The following AGR3 variants were observed in gnomAD, a reference collection of about 807,000 sequenced individuals.
AGR3 encodes anterior gradient protein 3.
Under a neutral mutation model 24.5 loss-of-function variants are expected in AGR3, and 37 were observed. The ratio of observed to expected loss-of-function variants is 1.51; its 90% CI spans 1.16 to 1.99. The LOEUF is 1.99. AGR3 is among the 30% of genes most tolerant of loss of function. The pLI is 0.00. For synonymous variants in AGR3, 75 were observed against 61.6 expected (o/e 1.22, Z -1.02); for missense variants, 228 against 191.1 (o/e 1.19, Z -1.14).
rs371837131 is a variant in AGR3 at position 16,868,229 on chromosome 7, C to T, written c.173+5551G>A. 4.9e-4 allele frequency among the ~76,000 whole-genome samples: 75 copies of T among 151,948 alleles called. 1 individual carries two copies. In the South Asian group the frequency reaches 0.014, roughly 27 times the overall value. On this transcript the variant is annotated intron_variant, in intron 3 of 7. Transcript: ENST00000310398. ...GGAGTGCAATGGTGCGATCTCGGCTCACCACAACCTCCGCCTCCCAGGTTC... is the reference window on the plus strand; with the variant it reads ...GGAGTGCAATGGTGCGATCTCGGCTTACCACAACCTCCGCCTCCCAGGTTC...
Position 16,873,817 on chromosome 7 carries a change from G to T in AGR3, c.136C>A (p.Gln46Lys). The T allele has an allele frequency of 6.2e-7, 1 of 1,613,080 alleles. No homozygotes were observed. The highest frequency in any genetic ancestry group is 1.1e-5 in the South Asian group (1 of 91,046). The change falls in exon 3 of 8, where the codon CAA (glutamine) becomes AAA (lysine). Residue 46 changes from glutamine (Q) to lysine (K), a missense_variant. Transcript: ENST00000310398. The part of the protein sequence containing the change: ...RGWGDDITWV[Q>K]TYEEGLFYAQ... ...TAAAAGAGACCTTCTTCATAAGTTT[G>T]TACCCAAGTGATGTCATCTCCCCAT...
In AGR3 at chr7:16,860,641, C is replaced by T. The variant is rs1781623517; in HGVS notation, c.368-58G>A. On this transcript the variant is annotated intron_variant, in intron 6 of 7. Transcript: ENST00000310398. ...AATTTAGCATGTTCTTTTCTTTACT[C>T]TTGTAAAAACTTAATTATTATTTTA... 2.6e-6 allele frequency: 3 copies of T among 1,161,160 alleles called. No homozygotes were observed. The African/African-American group carries it at 4.6e-5, about 18-fold the overall frequency. 71.9% of individuals were successfully genotyped at this position (1,161,160 alleles called of 1,614,324 possible).
rs754585078 is a variant in AGR3 at position 16,878,501 on chromosome 7, T to A, written c.109+9A>T. On this transcript the variant is annotated intron_variant, in intron 2 of 7. Transcript: ENST00000310398. ...ACTGAGTTTAGAAAATAAAATGAGA[T>A]TACAGCACCTCTTGAGAGTGTCTGA... The A allele has an allele frequency of 5.6e-6, 9 of 1,606,278 alleles. No individual in the cohort carries two copies. The highest frequency in any genetic ancestry group is 6.8e-6 in the Non-Finnish European group (8 of 1,173,104).
chr7:16,862,071 A>G lies in AGR3; in HGVS notation c.227-11T>C. The G allele has an allele frequency of 6.2e-7, 1 of 1,601,794 alleles. No homozygotes were observed. Among genetic ancestry groups the G allele is most frequent in the Admixed American group, 1.7e-5 (1 of 58,882 alleles). On this transcript the variant is annotated splice_polypyrimidine_tract_variant and intron_variant, in intron 4 of 7. Coordinates refer to ENST00000310398, the MANE Select transcript of AGR3 (RefSeq NM_176813.5). ...ATACTTTCTTTAGTGCTATAGGGGAAAACAAAATTGCCAGTTAGTTTTAAG... is the reference window on the plus strand; with the variant it reads ...ATACTTTCTTTAGTGCTATAGGGGAGAACAAAATTGCCAGTTAGTTTTAAG...
chr7:16,868,844 A>G (rs1054791023), intron 3 of AGR3, among the ~76,000 whole-genome samples: 2 of 152,180 alleles, frequency 1.3e-5, no homozygotes, highest in African/African-American at 2.4e-5. Flanking sequence ...CTTCATTTCA[A>G]TGGCTGAATA....
chr7:16,873,843 C>T lies in AGR3; in HGVS notation c.110G>A (p.Gly37Glu). ...TACCCAAGTGATGTCATCTCCCCATCCTGAAATAGAAGAGAGAAATCAATG... is the reference window on the plus strand; with the variant it reads ...TACCCAAGTGATGTCATCTCCCCATTCTGAAATAGAAGAGAGAAATCAATG... ...EKRPPQTLSR[G>E]WGDDITWVQT... Residue 37 changes from glycine to glutamate, a missense_variant and splice_region_variant, in exon 3 of 8, where the codon GGA (glycine) becomes GAA (glutamate). By Grantham distance (98) the Gly-to-Glu change is moderately conservative (BLOSUM62 -2). Transcript: ENST00000310398. The T allele has an allele frequency of 1.2e-6, 2 of 1,611,684 alleles. No homozygotes were observed.
chr7:16,873,374 G>C (rs1781921718), intron 3 of AGR3: 1 of 160,312 alleles, frequency 6.2e-6, no homozygotes, highest in Non-Finnish European at 1.4e-5. Flanking sequence ...GACTCATATA[G>C]AGTAGCTTAA....
At chr7:16,858,958 T>A (rs1186912584), downstream of AGR3, among the ~76,000 whole-genome samples, 1 of 152,064 alleles carries the variant, frequency 6.6e-6, no homozygotes, top group African/African-American at 2.4e-5. Context: ...AGAAAAGAAG[T>A]AAGTGGTTAG....
At chr7:16,867,661 C>T (rs1781785050) in intron 3 of AGR3, among the ~76,000 whole-genome samples, 4 of 152,094 alleles carry the variant, frequency 2.6e-5, no homozygotes, top group Admixed American at 2.0e-4. Flanking sequence ...CCATCCTCAC[C>T]CCCAGACTTT....
At chr7:16,862,541 C>T (rs1228567802) in intron 4 of AGR3, 69 bp downstream of exon 4, 5 of 997,724 alleles carry the variant, frequency 5.0e-6, no homozygotes, top group Middle Eastern at 3.5e-4. Context: ...CTATTATTAC[C>T]AGGTCACTTT....
At chr7:16,854,981 A>G (rs1231043845), downstream of AGR3, among the ~76,000 whole-genome samples, 1 of 152,202 alleles carries the variant, frequency 6.6e-6, no homozygotes, top group East Asian at 1.9e-4. Flanking sequence ...ACCTCATCTA[A>G]TAACATTTTC....
intron 3 of AGR3, among the ~76,000 whole-genome samples, chr7:16,863,670 A>G (rs1781691953): frequency 1.3e-5 from 2 of 152,114 alleles, no homozygotes; most frequent in South Asian, 4.2e-4. Flanking sequence ...ACTAGCACAC[A>G]AGTATCTACA....
At chr7:16,858,727 C>T (rs1247197696), downstream of AGR3, among the ~76,000 whole-genome samples, 5 of 151,634 alleles carry the variant, frequency 3.3e-5, no homozygotes, top group Non-Finnish European at 7.4e-5. Context: ...AAAAATTAGC[C>T]AGGTGTGGTG....
chr7:16,868,747 T>A (rs951130384), intron 3 of AGR3, among the ~76,000 whole-genome samples: 2 of 152,160 alleles, frequency 1.3e-5, no homozygotes, highest in East Asian at 3.9e-4. Context: ...TCTGGGTATA[T>A]AGAATGATTT....
At chr7:16,878,392 AC>A in intron 2 of AGR3, 117 bp downstream of exon 2, 1 of 861,356 alleles carries the variant, frequency 1.2e-6, no homozygotes, top group Non-Finnish European at 1.8e-6. Context: ...GTCACACACA[AC>A]AAAAATCATT....
chr7:16,865,424 C>T (rs186666309), intron 3 of AGR3: 2 of 906,472 alleles, frequency 2.2e-6, no homozygotes, highest in African/African-American at 1.6e-5. Flanking sequence ...GAAATTTCAT[C>T]GTAATTGTTG....
In AGR3 at chr7:16,863,700, A is replaced by G. The variant is rs558118192; in HGVS notation, c.174-1038T>C. On this transcript the variant is annotated intron_variant, in intron 3 of 7. Coordinates refer to ENST00000310398, the MANE Select transcript of AGR3 (RefSeq NM_176813.5). ...TCTACATTTTGCTTTTAAAATATAA[A>G]TCTTAGATATGCCACTGTTCTTTTA... Among the ~76,000 whole-genome samples the G allele has an allele frequency of 9.2e-5, 14 of 152,104 alleles. No individual in the cohort carries two copies. In the South Asian group the frequency reaches 2.9e-3, roughly 32 times the overall value.
chr7:16,873,863 T>G lies in AGR3; in HGVS notation c.110-20A>C, dbSNP rs1427585629. ...CCCATCCTGAAATAGAAGAGAGAAA[T>G]CAATGCAGTAACCCAGAACTAGAGA... On this transcript the variant is annotated intron_variant, in intron 2 of 7. Coordinates refer to ENST00000310398, the MANE Select transcript of AGR3 (RefSeq NM_176813.5). 1 of 1,586,828 alleles carries G rather than the reference T, an allele frequency of 6.3e-7. No individual in the cohort carries two copies. The highest frequency in any genetic ancestry group is 1.7e-5 in the Admixed American group (1 of 59,938).
rs760346139 is a variant in AGR3 at position 16,861,997 on chromosome 7, A to G, written c.290T>C (p.Met97Thr). The G allele has an allele frequency of 2.5e-6, 4 of 1,612,216 alleles. No homozygotes were observed. The highest frequency in any genetic ancestry group is 1.3e-5 in the African/African-American group (1 of 74,952). Residue 97 changes from methionine to threonine, a missense_variant, in exon 5 of 8, where the codon ATG becomes ACG. Met to Thr is a moderately conservative substitution (Grantham distance 81). Transcript: ENST00000310398. The stretch of plus-strand genomic sequence containing the variant: ...AAGTTTATGTACCATAAGGTTTAGC[A>G]TGATGAACTTATTCTGAGCCATTTC... ...IQEMAQNKFI[M>T]LNLMHETTDK...
Sources: gnomAD v4.1 joint callset for allele counts (sites outside exome capture counted in the v4.1 genomes callset) on GRCh38, gnomAD v4.1.1 for gene constraint, MANE v1.5 for transcripts, NCBI Gene and HGNC (gene_info 2026-07-23, HGNC 2026-07-21) for gene names.